Variants in SAP130 observed in about 807,000 individuals in gnomAD.
SAP130 encodes Sin3A associated protein 130.
In SAP130, 16 loss-of-function variants were observed where a neutral mutation model predicts 103.2. The ratio of observed to expected loss-of-function variants is 0.16; its 90% CI spans 0.10 to 0.24. The LOEUF is 0.24. SAP130 is among the 10% of genes least tolerant of loss of function. SAP130 has a pLI of 1.00. For synonymous variants in SAP130, 477 were observed against 497.0 expected (o/e 0.96, Z 0.53); for missense variants, 990 against 1,359.7 (o/e 0.73, Z 4.28).
chr2:128,023,257 A>G (rs1685274123), intron 2 of SAP130, among the ~76,000 whole-genome samples: 1 of 151,892 alleles, frequency 6.6e-6, no homozygotes, highest in South Asian at 2.1e-4. Context: ...GCCTTCCAAA[A>G]TGCTAGGATT....
At chr2:127,978,868 T>A (rs952272710) in intron 14 of SAP130, among the ~76,000 whole-genome samples, 1 of 152,114 alleles carries the variant, frequency 6.6e-6, no homozygotes, top group Non-Finnish European at 1.5e-5. Context: ...GATCAAACCT[T>A]CAGAGTCAAG....
chr2:127,976,943 T>C (rs1022746101), intron 15 of SAP130, among the ~76,000 whole-genome samples: 4 of 151,974 alleles, frequency 2.6e-5, no homozygotes, highest in African/African-American at 9.7e-5. Context: ...TCTATCTACA[T>C]GTGTATGCAG....
chr2:128,005,563 T>C lies in SAP130; in HGVS notation c.869+4706A>G, dbSNP rs374529906. 3.3e-4 allele frequency among the ~76,000 whole-genome samples: 50 copies of C among 151,348 alleles called. 1 individual carries two copies. The South Asian group carries it at 6.3e-3, about 19-fold the overall frequency. ...CCGGGGGGTGGAGACTGCAGTGAGC[T>C]GAGACCGCGCCACTGAACTCCAGCC... On this transcript the variant is annotated intron_variant, in intron 7 of 20. Transcript: ENST00000643581.
At chr2:128,014,597 A>G (rs1054544264) in intron 5 of SAP130, among the ~76,000 whole-genome samples, 1 of 152,192 alleles carries the variant, frequency 6.6e-6, no homozygotes, top group Non-Finnish European at 1.5e-5. Context: ...TCAGCCTCCC[A>G]AAGTGTTGGG....
chr2:128,021,791 T>C (rs1320042793), intron 2 of SAP130, among the ~76,000 whole-genome samples: 1 of 152,186 alleles, frequency 6.6e-6, no homozygotes, highest in Non-Finnish European at 1.5e-5. Flanking sequence ...CATTGCTTGA[T>C]ATACAGCCAT....
At chr2:127,978,148 A>G in intron 14 of SAP130, 59 bp from the exon 15 acceptor site, 1 of 1,270,120 alleles carries the variant, frequency 7.9e-7, no homozygotes, top group Admixed American at 2.0e-5. Flanking sequence ...CAAGGCTAAG[A>G]AATACAGGAT....
At chr2:128,013,669 T>C (rs1684559984) in intron 5 of SAP130, among the ~76,000 whole-genome samples, 2 of 152,228 alleles carry the variant, frequency 1.3e-5, no homozygotes, top group Admixed American at 1.3e-4. Context: ...TAACTTGATT[T>C]TGCCAACAAT....
Position 127,950,367 on chromosome 2 carries a change from C to A in SAP130, c.2464G>T (p.Ala822Ser). The change falls in exon 17 of 21, where the codon GCA becomes TCA. Residue 822 changes from alanine (A) to serine (S), a missense_variant. Coordinates refer to ENST00000643581, the MANE Select transcript of SAP130 (RefSeq NM_001330301.2). ...LATNTVSPSLALLANNLSMPT... is the reference protein window; with the variant it reads ...LATNTVSPSLSLLANNLSMPT... Reference sequence around the variant, plus strand: ...ATGGACAAGTTGTTTGCCAGCAATGCAAGAGATGGAGACACAGTGTTGGTA... The same window carrying A: ...ATGGACAAGTTGTTTGCCAGCAATGAAAGAGATGGAGACACAGTGTTGGTA... The A allele has an allele frequency of 6.2e-7, 1 of 1,614,192 alleles. No homozygotes were observed. Among genetic ancestry groups the A allele is most frequent in the Non-Finnish European group, 8.5e-7 (1 of 1,180,030 alleles).
chr2:127,989,946 C>T lies in SAP130; in HGVS notation c.1478-80G>A, dbSNP rs996169763. ...CACATAAAGAGAGAAACACTAAAAA[C>T]GGATTTCCTCCACTGTATAAGATCT... On this transcript the variant is annotated intron_variant, in intron 12 of 20. Coordinates refer to ENST00000643581, the MANE Select transcript of SAP130 (RefSeq NM_001330301.2). This position sits in a 1 kb window ranked among gnomAD's most constrained non-coding sequence, Gnocchi z 4.6. 8.5e-6 allele frequency: 11 copies of T among 1,297,940 alleles called. No homozygotes were observed. Among genetic ancestry groups the T allele is most frequent in the South Asian group, 4.3e-5 (3 of 69,110 alleles). 80.4% of individuals were successfully genotyped at this position (1,297,940 alleles called of 1,614,324 possible).
rs1220629500 is a variant in SAP130, at chr2:128,027,989, G to T, written c.-56C>A. ...CGCGCCGCCTTGAGCTCGCTCCCGC[G>T]CGCTCTCCGTCTGTGGGGCCGACGT... On this transcript the variant is annotated 5_prime_UTR_variant, in exon 1 of 21. Transcript: ENST00000643581. The T allele has an allele frequency of 1.0e-6, 1 of 985,618 alleles. No homozygotes were observed. The highest frequency in any genetic ancestry group is 1.1e-4 in the East Asian group (1 of 8,798). The allele number at this position is 985,618 out of a possible 1,614,324, so 61.1% of individuals were successfully genotyped here.
chr2:127,941,814 G>T lies in SAP130; in HGVS notation c.*192C>A. 1 of 583,300 alleles carries T rather than the reference G, an allele frequency of 1.7e-6. No individual in the cohort carries two copies. The highest frequency in any genetic ancestry group is 3.0e-6 in the Non-Finnish European group (1 of 336,396). The allele number at this position is 583,300 out of a possible 1,614,324, so 36.1% of individuals were successfully genotyped here. On this transcript the variant is annotated 3_prime_UTR_variant, in exon 21 of 21. Coordinates refer to ENST00000643581, the MANE Select transcript of SAP130 (RefSeq NM_001330301.2). ...ACAGGGGTGCACCCGAACGCAAGAA[G>T]GCAGCTCACTATGTCCAGTCAGCTC... is the stretch of plus-strand genomic sequence containing the variant.
chr2:127,986,826 C>T lies in SAP130; in HGVS notation c.1917G>A (p.Ser639=), dbSNP rs1214788643. ...ASTNAPAQGS[S]PRPSILRKKP... ...TCTTCCGGAGTATGCTTGGCCGTGG[C>T]GATGAGCCCTGGGCGGGAGCGTTGG... is the stretch of plus-strand genomic sequence containing the variant. The change falls in exon 14 of 21, where the codon TCG becomes TCA. Residue 639 remains serine, a synonymous_variant. Transcript: ENST00000643581. This position sits in a 1 kb window ranked among gnomAD's most constrained non-coding sequence, Gnocchi z 4.7. 7.4e-6 allele frequency: 12 copies of T among 1,614,086 alleles called. No individual in the cohort carries two copies. The highest frequency in any genetic ancestry group is 6.7e-5 in the African/African-American group (5 of 74,930).
intron 1 of SAP130, among the ~76,000 whole-genome samples, 182 bp downstream of exon 1, chr2:128,027,757 GC>G (rs956499736): frequency 2.0e-5 from 3 of 151,570 alleles, no homozygotes; most frequent in African/African-American, 7.3e-5. Flanking sequence ...AGGACACCCA[GC>G]CCCTGTCGCC....
At chr2:127,959,938 G>A (rs2104793160) in intron 15 of SAP130, among the ~76,000 whole-genome samples, 1 of 152,236 alleles carries the variant, frequency 6.6e-6, no homozygotes, top group South Asian at 2.1e-4. Flanking sequence ...GGAGTGCAGT[G>A]GCTCTTCACA....
At chr2:128,006,815 C>G (rs771591103) in intron 7 of SAP130, among the ~76,000 whole-genome samples, 55 of 152,130 alleles carry the variant, frequency 3.6e-4, no homozygotes, top group Non-Finnish European at 5.3e-4. Flanking sequence ...GGATCTGGTG[C>G]TTTTGTGAGA....
chr2:128,007,811 T>C (rs1480196029), intron 7 of SAP130, among the ~76,000 whole-genome samples: 1 of 152,204 alleles, frequency 6.6e-6, no homozygotes, highest in African/African-American at 2.4e-5. Context: ...TACCCCTGGA[T>C]AGACACCTGA....
chr2:127,981,498 C>T lies in SAP130; in HGVS notation c.1959-3409G>A, dbSNP rs868573713. ...CACCCCCGACTCAGCTCCCTCACCC[C>T]GACCCAGTCCTCTTGCACCCCTGAC... On this transcript the variant is annotated intron_variant, in intron 14 of 20. Coordinates refer to ENST00000643581, the MANE Select transcript of SAP130 (RefSeq NM_001330301.2). 7.3e-5 allele frequency among the ~76,000 whole-genome samples: 9 copies of T among 123,946 alleles called. No individual in the cohort carries two copies. The South Asian group carries it at 1.2e-3, about 16-fold the overall frequency. The allele number at this position is 123,946 out of a possible 152,430, so 81.3% of individuals were successfully genotyped here. A position where few individuals can be genotyped will look rare whatever the true frequency, so the allele number is the denominator to read the frequency against.
chr2:127,999,386 C>A (rs1166997292), intron 10 of SAP130, among the ~76,000 whole-genome samples: 2 of 152,076 alleles, frequency 1.3e-5, no homozygotes, highest in East Asian at 1.9e-4. Flanking sequence ...CCGAGGCGGG[C>A]AGATCATGAG....
Position 127,989,588 on chromosome 2 carries a change from G to T in SAP130, c.1756C>A (p.Pro586Thr). The change falls in exon 13 of 21, where the codon CCT becomes ACT. Residue 586 changes from proline to threonine, a missense_variant. Physicochemically the swap from Pro to Thr is conservative, Grantham distance 38 (BLOSUM62 -1). Around this residue, in one of 6 missense-constraint regions of SAP130, gnomAD observed 349 missense variants for 384.1 expected, o/e 0.91. Transcript: ENST00000643581. The surrounding 1 kb of genome is among the most constrained non-coding windows in gnomAD (Gnocchi z 4.6). Reference sequence around the variant, plus strand: ...CCTGAAGTCTTTCCTTCAGGCTGAGGCTGCTGAGTACCCATAGGTGCAGGC... The same window carrying T: ...CCTGAAGTCTTTCCTTCAGGCTGAGTCTGCTGAGTACCCATAGGTGCAGGC... ...LQPAPMGTQQPQPEGKTSAVV... is the reference protein window; with the variant it reads ...LQPAPMGTQQTQPEGKTSAVV... The T allele has an allele frequency of 6.2e-7, 1 of 1,611,892 alleles. No individual in the cohort carries two copies. Among genetic ancestry groups the T allele is most frequent in the Non-Finnish European group, 8.5e-7 (1 of 1,178,344 alleles).
Sources: gnomAD v4.1 joint callset for allele counts (sites outside exome capture counted in the v4.1 genomes callset) on GRCh38, gnomAD v4.1.1 for gene constraint, gnomAD v4.1.1 regional missense constraint, Gnocchi (gnomAD v3.1) non-coding constraint, MANE v1.5 for transcripts, NCBI Gene and HGNC (gene_info 2026-07-23, HGNC 2026-07-21) for gene names.